PIK3AP1: variants seen among roughly 807,000 people sequenced by gnomAD.
PIK3AP1 encodes phosphoinositide 3-kinase adapter protein 1.
PIK3AP1 carries 21 observed loss-of-function variants against 88.1 expected under a neutral mutation model. The observed-to-expected ratio is 0.24, with a 90% CI of 0.17 to 0.34. The LOEUF is 0.34. Among genes scored for constraint, PIK3AP1 ranks in the 10% least tolerant of loss-of-function variants. PIK3AP1 has a pLI of 1.00. For synonymous variants in PIK3AP1, 398 were observed against 400.0 expected, an observed-to-expected ratio of 1.00 and a Z score of 0.06; for missense variants, 828 against 1,035.7, an observed-to-expected ratio of 0.80 and a Z score of 2.75.
chr10:96,602,541 C>T lies in PIK3AP1; in HGVS notation c.2242-143G>A, dbSNP rs752212539. 19 of 645,800 alleles carry T rather than the reference C, an allele frequency of 2.9e-5. 1 individual carries two copies. Among genetic ancestry groups the T allele is most frequent in the Admixed American group, 2.8e-4 (10 of 35,896 alleles). 40.0% of individuals were successfully genotyped at this position (645,800 alleles called of 1,614,324 possible). On this transcript the variant is annotated intron_variant, in intron 15 of 16. Transcript: ENST00000339364. The stretch of plus-strand genomic sequence containing the variant: ...CAAATTGATAATCAACCCAGCCATA[C>T]CTGGCAGCTTTCCATTTCTTCCTGA...
intron 1 of PIK3AP1, among the ~76,000 whole-genome samples, chr10:96,718,792 C>G (rs765738975): frequency 9.8e-5 from 15 of 152,298 alleles, no homozygotes; most frequent in Non-Finnish European, 1.5e-4. Flanking sequence ...GGGCCTGTTC[C>G]TGACCATGGA....
At chr10:96,601,079 TA>T (rs35753684) in intron 16 of PIK3AP1, among the ~76,000 whole-genome samples, 1 of 150,868 alleles carries the variant, frequency 6.6e-6, no homozygotes, top group African/African-American at 2.4e-5. Context: ...CTCTCCTGTA[TA>T]AAAAAAAAGA....
chr10:96,670,936 C>T (rs1843837505), intron 2 of PIK3AP1, among the ~76,000 whole-genome samples: 1 of 152,286 alleles, frequency 6.6e-6, no homozygotes, highest in South Asian at 2.1e-4. Context: ...GTTACCAAGT[C>T]AACATCCTGC....
chr10:96,681,797 CTT>C (rs1844003952), intron 2 of PIK3AP1, among the ~76,000 whole-genome samples: 1 of 152,070 alleles, frequency 6.6e-6, no homozygotes, highest in African/African-American at 2.4e-5. Flanking sequence ...ATCTGGAACA[CTT>C]TTAAAATTAT....
At chr10:96,606,190 C>T (rs1420396307) in intron 14 of PIK3AP1, among the ~76,000 whole-genome samples, 1 of 152,142 alleles carries the variant, frequency 6.6e-6, no homozygotes, top group African/African-American at 2.4e-5. Flanking sequence ...CCCTACTCTT[C>T]CCAGCCCACT....
intron 13 of PIK3AP1, 47 bp from the exon 14 acceptor site, chr10:96,609,914 C>T: frequency 6.3e-7 from 1 of 1,596,936 alleles, no homozygotes; most frequent in Non-Finnish European, 8.6e-7. Flanking sequence ...ACCAGACTGT[C>T]ACCTGCCAAG....
At chr10:96,633,178 G>A in intron 8 of PIK3AP1, 1 of 1,198,298 alleles carries the variant, frequency 8.3e-7, no homozygotes, top group Non-Finnish European at 1.1e-6. Flanking sequence ...TCCCTTTCAA[G>A]TATTTCTAGT....
intron 1 of PIK3AP1, among the ~76,000 whole-genome samples, chr10:96,711,902 C>T (rs1468835172): frequency 1.3e-5 from 2 of 151,626 alleles, no homozygotes; most frequent in African/African-American, 2.4e-5. Context: ...AGGCGCCCGC[C>T]ATCACGCCCG....
intron 1 of PIK3AP1, among the ~76,000 whole-genome samples, chr10:96,716,651 G>A (rs1404813018): frequency 1.3e-5 from 2 of 152,152 alleles, no homozygotes; most frequent in Non-Finnish European, 2.9e-5. Context: ...CCTTATATGG[G>A]GGAAACTCCT....
At chr10:96,608,907 G>A (rs1181646737) in intron 14 of PIK3AP1, among the ~76,000 whole-genome samples, 1 of 152,224 alleles carries the variant, frequency 6.6e-6, no homozygotes, top group Non-Finnish European at 1.5e-5. Context: ...TATTAGCACT[G>A]AAATGTATGA....
rs765131858 is a variant in PIK3AP1 at position 96,720,310 on chromosome 10, G to A, written c.13+72C>T. ...GACGCAAACAGAAGCAAGCGGGGGA[G>A]CGCGCCTCAAGGGATGCGGGGTACG... On this transcript the variant is annotated intron_variant, in intron 1 of 16. Coordinates refer to ENST00000339364, the MANE Select transcript of PIK3AP1 (RefSeq NM_152309.3). This position sits in a 1 kb window ranked among gnomAD's most constrained non-coding sequence, Gnocchi z 4.6. 1.7e-3 allele frequency: 2,097 copies of A among 1,228,550 alleles called. 5 individuals carry two copies. The highest frequency in any genetic ancestry group is 1.9e-3 in the Non-Finnish European group (1,895 of 975,364). The allele number at this position is 1,228,550 out of a possible 1,614,324, so 76.1% of individuals were successfully genotyped here.
chr10:96,632,959 AAG>A, intron 8 of PIK3AP1: 1 of 1,612,892 alleles, frequency 6.2e-7, no homozygotes, highest in Non-Finnish European at 8.5e-7. Flanking sequence ...CAGGGCAGTG[AAG>A]AGAGCTGGTC....
intron 8 of PIK3AP1, among the ~76,000 whole-genome samples, chr10:96,628,889 C>CATATAAAT: frequency 1.6e-5 from 1 of 60,842 alleles, no homozygotes; most frequent in Admixed American, 2.1e-4. Context: ...TATATATATA[C>CATATAAAT]ATATATATAT....
At position 96,641,127 on chromosome 10, in the gene PIK3AP1, G is replaced by GCGCGCA. The variant is rs58402647; in HGVS notation, c.1375+4345_1375+4346insTGCGCG. Among the ~76,000 whole-genome samples, 458 of 147,672 alleles carry GCGCGCA rather than the reference G, an allele frequency of 3.1e-3. 21 individuals are homozygous for GCGCGCA. Among genetic ancestry groups the GCGCGCA allele is most frequent in the African/African-American group, 4.2e-3 (170 of 40,032 alleles). On this transcript the variant is annotated intron_variant, in intron 8 of 16. Coordinates refer to ENST00000339364, the MANE Select transcript of PIK3AP1 (RefSeq NM_152309.3). ...TGTGTGTGTGTGTGTGTGTGTGTGC[G>GCGCGCA]TGTGCATGTATACACCCACGCAAGC...
chr10:96,594,205 T>C lies in PIK3AP1; in HGVS notation c.*1372A>G, dbSNP rs368599607. Reference sequence around the variant, plus strand: ...GAGCATGGTGGTAATAATAAGTATGTAAAAAATAGATAACTACAGTCGTAC... The same window carrying C: ...GAGCATGGTGGTAATAATAAGTATGCAAAAAATAGATAACTACAGTCGTAC... On this transcript the variant is annotated 3_prime_UTR_variant, in exon 17 of 17. Coordinates refer to ENST00000339364, the MANE Select transcript of PIK3AP1 (RefSeq NM_152309.3). This position sits in a 1 kb window ranked among gnomAD's most constrained non-coding sequence, Gnocchi z 4.6. The C allele has an allele frequency of 3.3e-5, 5 of 152,154 alleles. No individual in the cohort carries two copies. The highest frequency in any genetic ancestry group is 9.7e-5 in the African/African-American group (4 of 41,420). The allele number at this position is 152,154 out of a possible 1,614,324, so 9.4% of individuals were successfully genotyped here.
rs754411840 is a variant in PIK3AP1, at chr10:96,651,388, CA to C, written c.856-9del. 1.9e-6 allele frequency: 3 copies of C among 1,614,040 alleles called. No homozygotes were observed. The African/African-American group carries it at 4.0e-5, about 22-fold the overall frequency. On this transcript the variant is annotated splice_polypyrimidine_tract_variant and intron_variant, in intron 5 of 16. Transcript: ENST00000339364. ...GGGCACAATTTTAAAGGCCTGAAAA[CA>C]AAAGTGAAGATGGTCAGATCTGAAA...
At chr10:96,641,718 TAA>T (rs1249873532) in intron 8 of PIK3AP1, among the ~76,000 whole-genome samples, 1 of 152,156 alleles carries the variant, frequency 6.6e-6, no homozygotes, top group Non-Finnish European at 1.5e-5. Flanking sequence ...TGATGGGACT[TAA>T]GTAAGTTACT....
In PIK3AP1 at chr10:96,652,953, T is replaced by C. The variant is rs1342475126; in HGVS notation, c.568-111A>G. On this transcript the variant is annotated intron_variant, in intron 3 of 16. Coordinates refer to ENST00000339364, the MANE Select transcript of PIK3AP1 (RefSeq NM_152309.3). ...CCTAGCTCTACCTAGTGAGAATCTC[T>C]GGGGACAGGGTGGACTCAGTGGTCC... 3 of 1,290,856 alleles carry C rather than the reference T, an allele frequency of 2.3e-6. No homozygotes were observed. The African/African-American group carries it at 4.5e-5, about 19-fold the overall frequency. 80.0% of individuals were successfully genotyped at this position (1,290,856 alleles called of 1,614,324 possible).
intron 8 of PIK3AP1, among the ~76,000 whole-genome samples, chr10:96,645,226 A>T (rs1320423362): frequency 1.3e-5 from 2 of 152,180 alleles, no homozygotes; most frequent in African/African-American, 4.8e-5. Context: ...CGAGGCAATG[A>T]GTTCATCAAT....
Sources: allele counts gnomAD v4.1 joint callset (sites outside exome capture counted in the v4.1 genomes callset), GRCh38; gene constraint gnomAD v4.1.1; non-coding constraint Gnocchi (gnomAD v3.1); transcripts MANE v1.5; gene names NCBI Gene and HGNC (gene_info 2026-07-23, HGNC 2026-07-21).